The following CHCHD3 variants were observed in gnomAD, a reference collection of about 807,000 sequenced individuals.
CHCHD3 encodes the protein MICOS complex subunit MIC19.
CHCHD3 carries 20 observed loss-of-function variants against 38.2 expected under a neutral mutation model. The observed-to-expected ratio is 0.52, with a 90% CI of 0.37 to 0.76. CHCHD3 has a LOEUF of 0.76. Among genes scored for constraint, CHCHD3 ranks in the 30% least tolerant of loss-of-function variants. The probability of loss-of-function intolerance (pLI) is 0.00; values close to 1 mark genes in which losing one functional copy is unlikely to be tolerated. For synonymous variants in CHCHD3, 82 were observed against 100.0 expected, an observed-to-expected ratio of 0.82 and a Z score of 1.07; for missense variants, 245 against 279.2, an observed-to-expected ratio of 0.88 and a Z score of 0.87.
chr7:132,787,737 G>C (rs1259020220), intron 7 of CHCHD3, among the ~76,000 whole-genome samples: 1 of 152,150 alleles, frequency 6.6e-6, no homozygotes, highest in Non-Finnish European at 1.5e-5. Context: ...AGGGTGGATA[G>C]ATTATCCTAA....
intron 5 of CHCHD3, among the ~76,000 whole-genome samples, chr7:132,866,884 G>A (rs1016562729): frequency 6.6e-6 from 1 of 152,180 alleles, no homozygotes; most frequent in African/African-American, 2.4e-5. Flanking sequence ...GGTAACGAGT[G>A]TTCAACAGGA....
In CHCHD3 at chr7:133,035,037, C is replaced by T. The variant is rs776258104; in HGVS notation, c.170-10410G>A. ...GAGTGTGTCCTCATTGGAGTACTTG[C>T]GCTTAAATTCATCCAACACAAAGGT... is the stretch of plus-strand genomic sequence containing the variant. On this transcript the variant is annotated intron_variant, in intron 2 of 7. Coordinates refer to ENST00000262570, the MANE Select transcript of CHCHD3 (RefSeq NM_017812.4). This position sits in a 1 kb window ranked among gnomAD's most constrained non-coding sequence, Gnocchi z 4.7. 1.2e-6 allele frequency: 2 copies of T among 1,613,088 alleles called. No individual in the cohort carries two copies. Among genetic ancestry groups the T allele is most frequent in the Non-Finnish European group, 1.7e-6 (2 of 1,179,536 alleles).
intron 5 of CHCHD3, among the ~76,000 whole-genome samples, chr7:132,877,926 T>C (rs951387178): frequency 2.6e-5 from 4 of 152,210 alleles, no homozygotes; most frequent in African/African-American, 7.2e-5. Context: ...ATGTTAAATT[T>C]ACTCTGTCAC....
intron 2 of CHCHD3, among the ~76,000 whole-genome samples, chr7:133,037,761 C>T (rs1418633931): frequency 2.0e-5 from 3 of 152,018 alleles, no homozygotes; most frequent in East Asian, 1.9e-4. Flanking sequence ...CGCAGTGAGC[C>T]GAGAACACGC....
intron 3 of CHCHD3, among the ~76,000 whole-genome samples, chr7:133,018,875 CTTTTTTTTT>C (rs5887607): frequency 1.4e-5 from 1 of 70,162 alleles, no homozygotes; most frequent in South Asian, 6.1e-4. Context: ...CATGATTTCT[CTTTTTTTTT>C]TTTTTTTTTT....
intron 6 of CHCHD3, among the ~76,000 whole-genome samples, chr7:132,827,085 G>A (rs2117077619): frequency 6.6e-6 from 1 of 152,244 alleles, no homozygotes. Context: ...TTATGGATAG[G>A]ATTAGGAATC....
chr7:133,006,482 A>G (rs1414303049), intron 3 of CHCHD3, among the ~76,000 whole-genome samples: 1 of 126,516 alleles, frequency 7.9e-6, no homozygotes, highest in Non-Finnish European at 1.7e-5. Flanking sequence ...TAAATAAATA[A>G]ATAAATAAAT....
chr7:132,962,553 T>C (rs1287300020), intron 4 of CHCHD3, among the ~76,000 whole-genome samples: 2 of 152,182 alleles, frequency 1.3e-5, no homozygotes, highest in East Asian at 3.9e-4. Context: ...TCAAAAATTG[T>C]CAAAAAATAG....
intron 2 of CHCHD3, among the ~76,000 whole-genome samples, chr7:133,062,338 G>A (rs1814541219): frequency 1.3e-5 from 2 of 152,146 alleles, no homozygotes; most frequent in Admixed American, 1.3e-4. Context: ...ACAAATGTAT[G>A]AAATTTAAAT....
At chr7:133,077,211 G>T (rs989957757) in intron 1 of CHCHD3, among the ~76,000 whole-genome samples, 2 of 152,094 alleles carry the variant, frequency 1.3e-5, no homozygotes, top group African/African-American at 2.4e-5. Context: ...ACTTAAGATG[G>T]TAGCCAAAAA....
chr7:132,898,714 TC>T (rs1339844550), intron 4 of CHCHD3, among the ~76,000 whole-genome samples: 1 of 152,234 alleles, frequency 6.6e-6, no homozygotes, highest in African/African-American at 2.4e-5. Flanking sequence ...GGTGGGAGGC[TC>T]ACGCATGGCG....
intron 4 of CHCHD3, among the ~76,000 whole-genome samples, chr7:132,896,965 G>A (rs1284623267): frequency 6.6e-6 from 1 of 152,146 alleles, no homozygotes; most frequent in African/African-American, 2.4e-5. Flanking sequence ...ACTATTAAAG[G>A]CAGCTGCAGC....
rs1813658778 is a variant in CHCHD3 at position 133,035,855 on chromosome 7, A to G, written c.170-11228T>C. 1.2e-6 allele frequency: 2 copies of G among 1,613,152 alleles called. No homozygotes were observed. The highest frequency in any genetic ancestry group is 1.1e-5 in the South Asian group (1 of 91,052). ...CGCGGATCTGAGCCCCGCTGTACTG[A>G]GCAGCGATGAGAGCCTTGAAGGCCC... is the stretch of plus-strand genomic sequence containing the variant. On this transcript the variant is annotated intron_variant, in intron 2 of 7. Transcript: ENST00000262570. The surrounding 1 kb of genome is among the most constrained non-coding windows in gnomAD (Gnocchi z 4.7).
chr7:132,799,392 A>G (rs1043394865), intron 6 of CHCHD3, among the ~76,000 whole-genome samples: 3 of 152,200 alleles, frequency 2.0e-5, no homozygotes, highest in African/African-American at 7.2e-5. Context: ...AACCCTCCAT[A>G]TATTCATAGA....
chr7:132,824,672 A>G (rs1419720079), intron 6 of CHCHD3, among the ~76,000 whole-genome samples: 6 of 152,186 alleles, frequency 3.9e-5, no homozygotes, highest in African/African-American at 1.4e-4. Context: ...GCCTTTTAAA[A>G]TACGGCATTT....
In CHCHD3 at chr7:133,051,168, T is replaced by C. The variant is rs545921089; in HGVS notation, c.169+18974A>G. Among the ~76,000 whole-genome samples the C allele has an allele frequency of 7.2e-5, 11 of 152,328 alleles. No individual in the cohort carries two copies. In the East Asian group the frequency reaches 2.1e-3, roughly 29 times the overall value. On this transcript the variant is annotated intron_variant, in intron 2 of 7. Transcript: ENST00000262570. Reference sequence around the variant, plus strand: ...AAAGCATAACAACAATTACACCTGCTAGCTTTAAACTTCTCCAAACACTGA... The same window carrying C: ...AAAGCATAACAACAATTACACCTGCCAGCTTTAAACTTCTCCAAACACTGA...
At chr7:132,802,414 G>A (rs531585592) in intron 6 of CHCHD3, among the ~76,000 whole-genome samples, 2 of 152,228 alleles carry the variant, frequency 1.3e-5, no homozygotes, top group African/African-American at 4.8e-5. Flanking sequence ...ACCAAACCCT[G>A]AGCTGGATCC....
At chr7:132,932,594 A>G (rs1182359877) in intron 4 of CHCHD3, among the ~76,000 whole-genome samples, 3 of 152,212 alleles carry the variant, frequency 2.0e-5, no homozygotes, top group Admixed American at 6.5e-5. Context: ...AGGATTCACA[A>G]GTTAAGCTGC....
intron 5 of CHCHD3, among the ~76,000 whole-genome samples, chr7:132,874,034 T>C (rs1197709566): frequency 1.3e-5 from 2 of 152,160 alleles, no homozygotes; most frequent in Non-Finnish European, 2.9e-5. Context: ...GGAAGATGCA[T>C]CTCTAGGCTA....
Sources: allele counts gnomAD v4.1 joint callset (sites outside exome capture counted in the v4.1 genomes callset), GRCh38; gene constraint gnomAD v4.1.1; non-coding constraint Gnocchi (gnomAD v3.1); transcripts MANE v1.5; gene names NCBI Gene and HGNC (gene_info 2026-07-23, HGNC 2026-07-21).